HDAC9: variants seen among roughly 807,000 people sequenced by gnomAD.
HDAC9 encodes the protein histone deacetylase 9.
In HDAC9, 41 loss-of-function variants were observed where a neutral mutation model predicts 139.4. The observed-to-expected ratio is 0.29, with a 90% CI of 0.23 to 0.38. HDAC9 has a LOEUF of 0.38. HDAC9 is among the 10% of genes least tolerant of loss of function. The pLI is 1.00. For missense variants in HDAC9, 1,147 were observed against 1,297.0 expected (o/e 0.88, Z 1.78); for synonymous variants, 517 against 476.2 (o/e 1.09, Z -1.12).
chr7:18,663,992 A>T lies in HDAC9; in HGVS notation c.1468-2221A>T, dbSNP rs991985133. The stretch of plus-strand genomic sequence containing the variant: ...CCTGGCATCCCAGCCAAAACTAGGA[A>T]TTTTTCTTTAATATCTTGCTCGTTT... On this transcript the variant is annotated intron_variant, in intron 11 of 25. Coordinates refer to ENST00000686413, the MANE Select transcript of HDAC9 (RefSeq NM_178425.4). Among the ~76,000 whole-genome samples the T allele has an allele frequency of 3.9e-5, 6 of 152,152 alleles. 1 individual carries two copies. The South Asian group carries it at 1.2e-3, about 32-fold the overall frequency.
At chr7:18,453,658 A>G (rs1393130489) in intron 1 of HDAC9, among the ~76,000 whole-genome samples, 3 of 152,334 alleles carry the variant, frequency 2.0e-5, no homozygotes, top group African/African-American at 2.4e-5. Flanking sequence ...CATTAATACT[A>G]TATAATATCA....
At chr7:18,172,467 C>T (rs1361059576) in intron 2 of HDAC9, among the ~76,000 whole-genome samples, 1 of 152,068 alleles carries the variant, frequency 6.6e-6, no homozygotes, top group Admixed American at 6.6e-5. Context: ...CTGCTCTGAT[C>T]TTAGTTATTT....
intron 2 of HDAC9, among the ~76,000 whole-genome samples, chr7:18,551,618 T>G (rs921079384): frequency 6.6e-6 from 1 of 152,208 alleles, no homozygotes; most frequent in Non-Finnish European, 1.5e-5. Flanking sequence ...AGTGCAAATG[T>G]GTATGATGTG....
chr7:18,554,861 T>C (rs1490105253), intron 2 of HDAC9, among the ~76,000 whole-genome samples: 1 of 152,236 alleles, frequency 6.6e-6, no homozygotes, highest in Admixed American at 6.5e-5. Context: ...CACTGTCTTC[T>C]AGAATTCTAT....
chr7:18,104,244 T>C (rs916893131), intron 1 of HDAC9, among the ~76,000 whole-genome samples: 3 of 118,968 alleles, frequency 2.5e-5, no homozygotes, highest in Admixed American at 8.3e-5. Flanking sequence ...CCCATAATTG[T>C]ATTTTTTTTT....
At chr7:18,185,232 G>A (rs1789812761) in intron 2 of HDAC9, among the ~76,000 whole-genome samples, 1 of 152,154 alleles carries the variant, frequency 6.6e-6, no homozygotes, top group South Asian at 2.1e-4. Flanking sequence ...TCTCAGTTTG[G>A]ACTATACATT....
At chr7:18,355,365 G>A (rs1783173081) in intron 1 of HDAC9, among the ~76,000 whole-genome samples, 1 of 152,108 alleles carries the variant, frequency 6.6e-6, no homozygotes, top group Admixed American at 6.5e-5. Context: ...TTTCAACATA[G>A]GCTCTTTATA....
rs535585645 is a variant in HDAC9 at position 18,423,072 on chromosome 7, G to T, written c.-41-73190G>T. On this transcript the variant is annotated intron_variant, in intron 1 of 3. Coordinates refer to the HDAC9 transcript ENST00000413509. ...GATGCACTTTACTAAAAATATAACA[G>T]GTTTAAACTAGTGGATTTTATTAAT... Among the ~76,000 whole-genome samples the T allele has an allele frequency of 1.5e-4, 23 of 152,196 alleles. 1 individual carries two copies. The highest frequency in any genetic ancestry group is 5.1e-4 in the African/African-American group (21 of 41,532).
chr7:18,583,146 G>C (rs1416175020), intron 2 of HDAC9, among the ~76,000 whole-genome samples: 1 of 151,826 alleles, frequency 6.6e-6, no homozygotes, highest in Non-Finnish European at 1.5e-5. Flanking sequence ...TGTTTTGTTA[G>C]CTACTTACTA....
chr7:18,431,704 T>C (rs1260175193), intron 1 of HDAC9, among the ~76,000 whole-genome samples: 1 of 152,180 alleles, frequency 6.6e-6, no homozygotes, highest in Non-Finnish European at 1.5e-5. Context: ...AAATACATAC[T>C]GGATTGATGA....
At chr7:18,506,917 A>G (rs1334025400) in intron 2 of HDAC9, among the ~76,000 whole-genome samples, 1 of 152,118 alleles carries the variant, frequency 6.6e-6, no homozygotes, top group Non-Finnish European at 1.5e-5. Context: ...ATATACAGTA[A>G]AATATGCAGT....
chr7:18,455,533 G>T (rs1474406436), intron 1 of HDAC9, among the ~76,000 whole-genome samples: 3 of 152,102 alleles, frequency 2.0e-5, no homozygotes, highest in Non-Finnish European at 4.4e-5. Context: ...CTGCCAGCCA[G>T]GTCTCAGTGT....
intron 11 of HDAC9, 102 bp downstream of exon 11, chr7:18,648,785 A>T: frequency 1.0e-6 from 1 of 966,100 alleles, no homozygotes; most frequent in Non-Finnish European, 1.6e-6. Flanking sequence ...TGGGAGTCAC[A>T]GCAAAAAGGA....
chr7:18,241,658 GA>G (rs1794195007), intron 2 of HDAC9, among the ~76,000 whole-genome samples: 1 of 152,204 alleles, frequency 6.6e-6, no homozygotes, highest in South Asian at 2.1e-4. Flanking sequence ...AATTTAGTGA[GA>G]AGTGTTCTGG....
chr7:18,333,174 C>T (rs1372910673), intron 1 of HDAC9, among the ~76,000 whole-genome samples: 1 of 151,348 alleles, frequency 6.6e-6, no homozygotes, highest in African/African-American at 2.4e-5. Context: ...ACTACTGAGT[C>T]AGAGGCAGTT....
chr7:18,170,573 G>C (rs1562702859), intron 2 of HDAC9, among the ~76,000 whole-genome samples: 1 of 151,950 alleles, frequency 6.6e-6, no homozygotes, highest in Admixed American at 6.6e-5. Flanking sequence ...TTTTTTTATG[G>C]TTTTAGGTCT....
At chr7:18,606,858 TGTTTATA>T (rs1835657984) in intron 6 of HDAC9, among the ~76,000 whole-genome samples, 1 of 152,162 alleles carries the variant, frequency 6.6e-6, no homozygotes. Flanking sequence ...CTCTCATGGA[TGTTTATA>T]GTTTAGTAGT....
intron 23 of HDAC9, among the ~76,000 whole-genome samples, chr7:18,944,222 T>A (rs144177164): frequency 6.6e-6 from 1 of 152,284 alleles, no homozygotes; most frequent in East Asian, 1.9e-4. Flanking sequence ...CATTACAATC[T>A]GCTTCCCTTG....
chr7:18,669,316 A>G (rs574516324), intron 12 of HDAC9, among the ~76,000 whole-genome samples: 4 of 151,974 alleles, frequency 2.6e-5, no homozygotes, highest in East Asian at 1.9e-4. Flanking sequence ...TTACAGTGAG[A>G]TCTTGAAATA....
Sources: gnomAD v4.1 joint callset for allele counts (sites outside exome capture counted in the v4.1 genomes callset) on GRCh38, gnomAD v4.1.1 for gene constraint, MANE v1.5 for transcripts, NCBI Gene and HGNC (gene_info 2026-07-23, HGNC 2026-07-21) for gene names.